PCDH15: variants seen among roughly 807,000 people sequenced by gnomAD.
The protein encoded by PCDH15 is protocadherin related 15, also known as protocadherin-15.
Under a neutral mutation model 178.5 loss-of-function variants are expected in PCDH15, and 129 were observed. The observed-to-expected ratio is 0.72, with a 90% confidence interval of 0.63 to 0.84. The LOEUF (loss-of-function observed/expected upper bound fraction) is 0.84. Among genes scored for constraint, PCDH15 ranks in the 40% least tolerant of loss-of-function variants. The pLI, the probability that PCDH15 is intolerant of heterozygous loss-of-function variation, is 0.00. For missense variants in PCDH15, 2,230 were observed against 2,099.9 expected, an observed-to-expected ratio of 1.06 and a Z score of -1.21; for synonymous variants, 800 against 732.0, an observed-to-expected ratio of 1.09 and a Z score of -1.50.
intron 1 of PCDH15, among the ~76,000 whole-genome samples, chr10:55,265,470 A>C (rs1051160038): frequency 6.6e-6 from 1 of 152,116 alleles, no homozygotes; most frequent in Non-Finnish European, 1.5e-5. Flanking sequence ...GAGAAGCAGT[A>C]CACTCTGCAA....
intron 15 of PCDH15, among the ~76,000 whole-genome samples, chr10:54,099,643 T>C (rs1004031500): frequency 1.3e-4 from 19 of 151,582 alleles, no homozygotes; most frequent in Admixed American, 1.3e-4. Flanking sequence ...TAATCCAATT[T>C]AGGAACTATT....
At chr10:55,325,816 G>C (rs970215749) in intron 2 of PCDH15, among the ~76,000 whole-genome samples, 1 of 152,028 alleles carries the variant, frequency 6.6e-6, no homozygotes, top group African/African-American at 2.4e-5. Context: ...CCTACAGAAT[G>C]GGAGAATATA....
At chr10:54,340,768 T>G (rs1429902314) in intron 6 of PCDH15, among the ~76,000 whole-genome samples, 2 of 152,144 alleles carry the variant, frequency 1.3e-5, no homozygotes, top group Non-Finnish European at 2.9e-5. Context: ...TCTCCTCCCT[T>G]GATTTTTCTT....
At chr10:54,288,366 C>A (rs1025198270) in intron 8 of PCDH15, among the ~76,000 whole-genome samples, 2 of 151,774 alleles carry the variant, frequency 1.3e-5, no homozygotes, top group Non-Finnish European at 2.9e-5. Flanking sequence ...GAGAAACATC[C>A]TTTTTTCTGG....
intron 2 of PCDH15, among the ~76,000 whole-genome samples, chr10:55,101,403 A>C (rs1564798915): frequency 7.4e-6 from 1 of 134,616 alleles, no homozygotes; most frequent in Non-Finnish European, 1.6e-5. Context: ...TAAAAAAAAA[A>C]AACTTTTTTT....
rs574381564 is a variant in PCDH15 at position 54,885,549 on chromosome 10, A to T, written c.-29+11901T>A. Among the ~76,000 whole-genome samples, 11 of 152,224 alleles carry T rather than the reference A, an allele frequency of 7.2e-5. 1 individual carries two copies. The South Asian group carries it at 1.9e-3, about 26-fold the overall frequency. On this transcript the variant is annotated intron_variant, in intron 3 of 5. Transcript: ENST00000458638. Reference sequence around the variant, plus strand: ...AAGGAACAAAATAAATAATAATTTCAAAAAGGTCATCCCCGATACTTCATA... The same window carrying T: ...AAGGAACAAAATAAATAATAATTTCTAAAAGGTCATCCCCGATACTTCATA...
intron 1 of PCDH15, among the ~76,000 whole-genome samples, chr10:54,708,598 T>C (rs1259485938): frequency 1.3e-5 from 2 of 152,204 alleles, no homozygotes; most frequent in Non-Finnish European, 2.9e-5. Context: ...ACTGTTTCTC[T>C]TTGTTTTCTC....
intron 1 of PCDH15, among the ~76,000 whole-genome samples, chr10:54,687,692 A>G (rs2095039013): frequency 6.6e-6 from 1 of 152,026 alleles, no homozygotes; most frequent in African/African-American, 2.4e-5. Context: ...GTTTTTCTGT[A>G]TGTTTCCTCT....
intron 3 of PCDH15, among the ~76,000 whole-genome samples, chr10:54,430,621 G>A (rs1285860350): frequency 1.3e-5 from 2 of 152,080 alleles, no homozygotes; most frequent in South Asian, 2.1e-4. Flanking sequence ...AAGCAGTACT[G>A]AGAGAAATTT....
intron 8 of PCDH15, among the ~76,000 whole-genome samples, chr10:54,274,001 T>A (rs2058199391): frequency 6.6e-6 from 1 of 152,030 alleles, no homozygotes; most frequent in African/African-American, 2.4e-5. Context: ...TGGATGTAGT[T>A]GGAGGCCATT....
intron 2 of PCDH15, among the ~76,000 whole-genome samples, chr10:55,363,467 T>C (rs1008048080): frequency 6.6e-6 from 1 of 152,200 alleles, no homozygotes; most frequent in East Asian, 1.9e-4. Context: ...GGTAAGTGTA[T>C]GTTTTGTTTA....
At chr10:54,080,854 C>A (rs969735688) in intron 16 of PCDH15, among the ~76,000 whole-genome samples, 4 of 152,092 alleles carry the variant, frequency 2.6e-5, no homozygotes, top group Non-Finnish European at 5.9e-5. Context: ...TCCAGATAAT[C>A]CCATTTTAAA....
chr10:53,919,916 G>T lies in PCDH15; in HGVS notation c.3374-16546C>A, dbSNP rs2133865643. Among the ~76,000 whole-genome samples, 4 of 152,232 alleles carry T rather than the reference G, an allele frequency of 2.6e-5. 1 individual carries two copies. In the South Asian group the frequency reaches 8.3e-4, roughly 32 times the overall value. The stretch of plus-strand genomic sequence containing the variant: ...ACCCAGGAAGCCAAGAATATAGATT[G>T]CTAGAATGGGGACAGGGAAAGCAAA... On this transcript the variant is annotated intron_variant, in intron 25 of 37. Coordinates refer to ENST00000644397, the MANE Select transcript of PCDH15 (RefSeq NM_001384140.1).
chr10:54,674,019 T>G (rs1034591037), intron 1 of PCDH15, among the ~76,000 whole-genome samples: 2 of 152,186 alleles, frequency 1.3e-5, no homozygotes, highest in African/African-American at 4.8e-5. Context: ...ATTTCATATG[T>G]CATATCTTTT....
intron 3 of PCDH15, among the ~76,000 whole-genome samples, chr10:54,448,553 C>T (rs2076277842): frequency 6.6e-6 from 1 of 151,454 alleles, no homozygotes; most frequent in Admixed American, 6.6e-5. Context: ...CTAATGGAAA[C>T]ATAAGGTTCT....
At chr10:54,539,965 C>T (rs35569092) in intron 2 of PCDH15, among the ~76,000 whole-genome samples, 56,550 of 151,892 alleles carry the variant, frequency 0.37, 11,451 homozygotes, top group Non-Finnish European at 0.47. Context: ...AAGAAAGACA[C>T]GCAAAATACC....
chr10:54,686,166 G>A (rs769781058), intron 1 of PCDH15, among the ~76,000 whole-genome samples: 7 of 148,418 alleles, frequency 4.7e-5, no homozygotes, highest in Non-Finnish European at 6.0e-5. Flanking sequence ...GTGAGCCACC[G>A]CACTCGGCCA....
In PCDH15 at chr10:55,502,632, T is replaced by G. The variant is rs1277097321; in HGVS notation, c.-156+124993A>C. On this transcript the variant is annotated intron_variant, in intron 2 of 5. Transcript: ENST00000613346. Reference sequence around the variant, plus strand: ...AGTCGGTATTTTCTGAGTCAAGGGATAGAGGATTGCTGGTGAAATAATGCC... The same window carrying G: ...AGTCGGTATTTTCTGAGTCAAGGGAGAGAGGATTGCTGGTGAAATAATGCC... 2.0e-5 allele frequency among the ~76,000 whole-genome samples: 3 copies of G among 151,644 alleles called. No homozygotes were observed. The Admixed American group carries it at 2.0e-4, about 10-fold the overall frequency.
At position 54,437,002 on chromosome 10, in the gene PCDH15, T is replaced by C. The variant is rs566880397; in HGVS notation, c.158-58060A>G. ...AACCAGAGAGTAATTATGTCAAAAC[T>C]CACAAAGCCCTGATTTAAATCATGA... On this transcript the variant is annotated intron_variant, in intron 3 of 37. Transcript: ENST00000644397. Among the ~76,000 whole-genome samples the C allele has an allele frequency of 3.9e-5, 6 of 152,178 alleles. No individual in the cohort carries two copies. In the East Asian group the frequency reaches 1.2e-3, roughly 29 times the overall value.
Sources: gnomAD v4.1 joint callset for allele counts (sites outside exome capture counted in the v4.1 genomes callset) on GRCh38, gnomAD v4.1.1 for gene constraint, MANE v1.5 for transcripts, NCBI Gene and HGNC (gene_info 2026-07-23, HGNC 2026-07-21) for gene names.